Variants in AK2 observed in about 807,000 individuals in gnomAD.
AK2 encodes adenylate kinase 2, also known as adenylate kinase 2, mitochondrial.
AK2 carries 15 observed loss-of-function variants against 24.6 expected under a neutral mutation model. That is an observed-to-expected ratio of 0.61 (90% CI 0.41 to 0.94). The LOEUF is 0.94. Among genes scored for constraint, AK2 ranks in the 40% least tolerant of loss-of-function variants. The pLI, the probability that AK2 is intolerant of heterozygous loss-of-function variation, is 0.00. For synonymous variants in AK2, 102 were observed against 114.0 expected, an observed-to-expected ratio of 0.90 and a Z score of 0.67; for missense variants, 257 against 304.1, an observed-to-expected ratio of 0.85 and a Z score of 1.15.
chr1:33,013,095 G>C lies in AK2; in HGVS notation c.*86C>G. 4.3e-6 allele frequency: 7 copies of C among 1,611,836 alleles called. No homozygotes were observed. Among genetic ancestry groups the C allele is most frequent in the Non-Finnish European group, 5.9e-6 (7 of 1,179,960 alleles). ...AATACATCAAATGATATTTTTGCTA[G>C]CCTGAGGAAGCTTCTCTTTGCCTGT... On this transcript the variant is annotated 3_prime_UTR_variant, in exon 6 of 6. Transcript: ENST00000672715.
In AK2 at chr1:33,011,262, C is replaced by G; in HGVS notation, c.*1919G>C. ...CTAAGATTCATGATGCCACTGTCAC[C>G]CAGAGAAGGATCCCAGACCAGGCAC... On this transcript the variant is annotated 3_prime_UTR_variant, in exon 6 of 6. Coordinates refer to ENST00000672715, the MANE Select transcript of AK2 (RefSeq NM_001625.4). 1.5e-6 allele frequency: 2 copies of G among 1,297,450 alleles called. No homozygotes were observed. The highest frequency in any genetic ancestry group is 2.0e-6 in the Non-Finnish European group (2 of 995,968). 80.4% of individuals were successfully genotyped at this position (1,297,450 alleles called of 1,614,324 possible). A position where few individuals can be genotyped will look rare whatever the true frequency, so the allele number is the denominator to read the frequency against.
chr1:33,021,773 C>T, intron 2 of AK2, 70 bp from the exon 3 acceptor site: 1 of 1,218,646 alleles, frequency 8.2e-7, no homozygotes, highest in Non-Finnish European at 1.2e-6. Flanking sequence ...AGCCCAACTC[C>T]ACAGCCAAAA....
intron 2 of AK2, among the ~76,000 whole-genome samples, chr1:33,022,407 G>A (rs1426309792): frequency 6.9e-6 from 1 of 145,134 alleles, no homozygotes; most frequent in Non-Finnish European, 1.5e-5. Context: ...CCAGGCTGGA[G>A]TACAGTGGCA....
At chr1:33,020,673 T>C (rs1207740844) in intron 4 of AK2, among the ~76,000 whole-genome samples, 1 of 151,006 alleles carries the variant, frequency 6.6e-6, no homozygotes, top group Non-Finnish European at 1.5e-5. Context: ...GGTGAAGACC[T>C]GTCTCTACTA....
In AK2 at chr1:33,013,226, T is replaced by C. The variant is rs1198093746; in HGVS notation, c.675A>G (p.Ala225=). The C allele has an allele frequency of 3.7e-6, 6 of 1,614,058 alleles. No homozygotes were observed. The highest frequency in any genetic ancestry group is 5.1e-6 in the Non-Finnish European group (6 of 1,179,922). The change falls in exon 6 of 6, where the codon GCA becomes GCG. Residue 225 remains alanine, a synonymous_variant. Transcript: ENST00000672715. ...TPDVVFASIL[A]AFSKATCKDL... Reference sequence around the variant, plus strand: ...CTTTACATGTGGCTTTGGAGAAGGCTGCTAGGATGCTTGCGAACACGACAT... The same window carrying C: ...CTTTACATGTGGCTTTGGAGAAGGCCGCTAGGATGCTTGCGAACACGACAT...
In AK2 at chr1:33,013,507, T is replaced by C. The variant is rs919988751; in HGVS notation, c.499-105A>G. On this transcript the variant is annotated intron_variant, in intron 5 of 5. Transcript: ENST00000672715. ...TGGGACCATTCTGCCCAGGATGCTG[T>C]CTGTTCCCAAAGCCCATCAGAGACA... 60 of 1,541,086 alleles carry C rather than the reference T, an allele frequency of 3.9e-5. No individual in the cohort carries two copies. The African/African-American group carries it at 6.2e-4, about 16-fold the overall frequency.
intron 1 of AK2, among the ~76,000 whole-genome samples, chr1:33,029,742 C>G (rs1356616359): frequency 6.6e-6 from 1 of 152,160 alleles, no homozygotes; most frequent in Non-Finnish European, 1.5e-5. Flanking sequence ...GACACCTGAT[C>G]AGCATAGCAC....
intron 4 of AK2, among the ~76,000 whole-genome samples, chr1:33,015,584 C>T (rs1639133089): frequency 6.6e-6 from 1 of 152,184 alleles, no homozygotes; most frequent in East Asian, 1.9e-4. Flanking sequence ...TATTTTTCAC[C>T]ATTTGGCAGG....
Position 33,008,015 on chromosome 1 carries a change from C to T in AK2, c.*5166G>A. On this transcript the variant is annotated 3_prime_UTR_variant, in exon 6 of 6. Transcript: ENST00000672715. Reference sequence around the variant, plus strand: ...ACAGCTAAGAATTTAATATGTTAGACTATTATTAATTATGAAAACACATAA... The same window carrying T: ...ACAGCTAAGAATTTAATATGTTAGATTATTATTAATTATGAAAACACATAA... The T allele has an allele frequency of 2.2e-6, 1 of 454,028 alleles. No individual in the cohort carries two copies. 28.1% of individuals were successfully genotyped at this position (454,028 alleles called of 1,614,324 possible). A position where few individuals can be genotyped will look rare whatever the true frequency, so the allele number is the denominator to read the frequency against.
In AK2 at chr1:33,011,273, T is replaced by A; in HGVS notation, c.*1908A>T. 1.5e-6 allele frequency: 2 copies of A among 1,295,376 alleles called. No individual in the cohort carries two copies. The highest frequency in any genetic ancestry group is 1.5e-5 in the African/African-American group (1 of 66,278). 80.2% of individuals were successfully genotyped at this position (1,295,376 alleles called of 1,614,324 possible). On this transcript the variant is annotated 3_prime_UTR_variant, in exon 6 of 6. Transcript: ENST00000672715. ...GATGCCACTGTCACCCAGAGAAGGATCCCAGACCAGGCACACATAGCTGAC... is the reference window on the plus strand; with the variant it reads ...GATGCCACTGTCACCCAGAGAAGGAACCCAGACCAGGCACACATAGCTGAC...
At chr1:33,020,065 T>C (rs1639434733) in intron 4 of AK2, 1 of 1,535,030 alleles carries the variant, frequency 6.5e-7, no homozygotes, top group African/African-American at 1.4e-5. Context: ...CAGATGGCAG[T>C]GATTAGTGAA....
intron 4 of AK2, chr1:33,020,220 C>CACACAG: frequency 8.7e-7 from 1 of 1,152,808 alleles, no homozygotes. Context: ...CACACACACA[C>CACACAG]ACACACACAA....
chr1:33,027,896 CAGT>C (rs1241198143), intron 1 of AK2, among the ~76,000 whole-genome samples: 1 of 152,166 alleles, frequency 6.6e-6, no homozygotes, highest in African/African-American at 2.4e-5. Context: ...CTAAGGCACT[CAGT>C]AGCCGTGTGA....
At chr1:33,015,870 G>C (rs972543065) in intron 4 of AK2, among the ~76,000 whole-genome samples, 2 of 152,178 alleles carry the variant, frequency 1.3e-5, no homozygotes, top group African/African-American at 2.4e-5. Context: ...CTGAGTGACA[G>C]AGCAAGACTG....
chr1:33,024,315 T>A (rs1639737774), intron 2 of AK2, 127 bp downstream of exon 2: 12 of 1,316,222 alleles, frequency 9.1e-6, no homozygotes, highest in Non-Finnish European at 1.3e-5. Flanking sequence ...CTAGTGCAAC[T>A]GAGGAACTGA....
Position 33,009,287 on chromosome 1 carries a change from G to A in AK2, c.*3894C>T. ...CCAAAAACATGAGAGCTTTAGTTTG[G>A]AGAAATTATTTAAGCTCACTTTTGC... is the stretch of plus-strand genomic sequence containing the variant. On this transcript the variant is annotated 3_prime_UTR_variant, in exon 6 of 6. Transcript: ENST00000672715. 2.2e-6 allele frequency: 1 copy of A among 454,116 alleles called. No individual in the cohort carries two copies. 28.1% of individuals were successfully genotyped at this position (454,116 alleles called of 1,614,324 possible).
intron 4 of AK2, chr1:33,020,097 G>A: frequency 6.5e-6 from 10 of 1,534,414 alleles, no homozygotes; most frequent in Non-Finnish European, 8.7e-6. Flanking sequence ...ACAACTGTAG[G>A]CTAAAGCAGT....
In AK2 at chr1:33,011,229, A is replaced by G; in HGVS notation, c.*1952T>C. 7.7e-7 allele frequency: 1 copy of G among 1,305,180 alleles called. No homozygotes were observed. Among genetic ancestry groups the G allele is most frequent in the Non-Finnish European group, 1.0e-6 (1 of 1,001,368 alleles). The allele number at this position is 1,305,180 out of a possible 1,614,324, so 80.8% of individuals were successfully genotyped here. On this transcript the variant is annotated 3_prime_UTR_variant, in exon 6 of 6. Transcript: ENST00000672715. ...TTACAATTGTCCCTAGTTAAAGGGGAGCTGATTCTAAGATTCATGATGCCA... is the reference window on the plus strand; with the variant it reads ...TTACAATTGTCCCTAGTTAAAGGGGGGCTGATTCTAAGATTCATGATGCCA...
chr1:33,019,734 T>C (rs187369057), intron 4 of AK2: 1 of 1,038,082 alleles, frequency 9.6e-7, no homozygotes, highest in East Asian at 9.4e-5. Context: ...ATGTCTGAAA[T>C]AAGAAAACAT....
Sources: gnomAD v4.1 joint callset for allele counts (sites outside exome capture counted in the v4.1 genomes callset) on GRCh38, gnomAD v4.1.1 for gene constraint, MANE v1.5 for transcripts, NCBI Gene and HGNC (gene_info 2026-07-23, HGNC 2026-07-21) for gene names.